The following GPC5 variants were observed in gnomAD, a reference collection of about 807,000 sequenced individuals.
GPC5 encodes glypican-5.
A neutral mutation model predicts 53.9 loss-of-function variants in GPC5; 47 were observed. The observed-to-expected ratio is 0.87, with a 90% CI of 0.69 to 1.11. The LOEUF is 1.11. Among genes scored for constraint, GPC5 ranks in the 50% most tolerant of loss-of-function variants. The probability of loss-of-function intolerance (pLI) is 0.00; values close to 1 mark genes in which losing one functional copy is unlikely to be tolerated. For synonymous variants in GPC5, 286 were observed against 263.3 expected, an observed-to-expected ratio of 1.09 and a Z score of -0.84; for missense variants, 748 against 713.1, an observed-to-expected ratio of 1.05 and a Z score of -0.56.
chr13:92,346,870 T>C (rs2043417327), intron 7 of GPC5, among the ~76,000 whole-genome samples: 1 of 151,842 alleles, frequency 6.6e-6, no homozygotes, highest in Admixed American at 6.6e-5. Context: ...AAAATAGAAA[T>C]CCCAGAGATG....
chr13:92,495,876 C>G (rs753662041), intron 7 of GPC5, among the ~76,000 whole-genome samples: 1 of 152,032 alleles, frequency 6.6e-6, no homozygotes, highest in East Asian at 1.9e-4. Flanking sequence ...TCTAAATATT[C>G]TCGATCCCAG....
At chr13:92,234,219 C>T (rs1439336532) in intron 7 of GPC5, among the ~76,000 whole-genome samples, 2 of 152,128 alleles carry the variant, frequency 1.3e-5, no homozygotes, top group Non-Finnish European at 2.9e-5. Context: ...TTCTAGATCC[C>T]TGAGGAATCA....
chr13:91,947,625 T>A (rs914016062), intron 6 of GPC5, among the ~76,000 whole-genome samples: 1 of 121,222 alleles, frequency 8.2e-6, no homozygotes, highest in African/African-American at 2.6e-5. Flanking sequence ...CCTAATGTGC[T>A]AGTAGAGCAG....
chr13:92,184,282 C>G (rs184330890), intron 7 of GPC5, among the ~76,000 whole-genome samples: 32 of 152,234 alleles, frequency 2.1e-4, no homozygotes, highest in Non-Finnish European at 3.5e-4. Context: ...TCAAACTGCT[C>G]TAGTTGAAGA....
chr13:91,892,244 AT>A (rs1427197283), intron 5 of GPC5, among the ~76,000 whole-genome samples: 1 of 151,884 alleles, frequency 6.6e-6, no homozygotes, highest in Admixed American at 6.6e-5. Context: ...ACCACATAGT[AT>A]TTTTTCTCAT....
intron 7 of GPC5, among the ~76,000 whole-genome samples, chr13:92,442,450 G>A (rs528738788): frequency 1.3e-5 from 2 of 152,206 alleles, no homozygotes; most frequent in South Asian, 4.2e-4. Context: ...GGTATGCAGA[G>A]ATCCTGGGAC....
chr13:92,457,349 T>C (rs747134643), intron 7 of GPC5, among the ~76,000 whole-genome samples: 4 of 152,106 alleles, frequency 2.6e-5, no homozygotes, highest in Non-Finnish European at 5.9e-5. Context: ...TGTGAAGGAC[T>C]ATTCTGTGCA....
At chr13:92,274,947 G>T (rs1245210769) in intron 7 of GPC5, among the ~76,000 whole-genome samples, 1 of 151,668 alleles carries the variant, frequency 6.6e-6, no homozygotes, top group African/African-American at 2.4e-5. Flanking sequence ...GTAGAATAAG[G>T]TACTGAAAAG....
intron 5 of GPC5, among the ~76,000 whole-genome samples, chr13:91,835,197 T>A (rs1000299911): frequency 1.3e-5 from 2 of 152,146 alleles, no homozygotes; most frequent in African/African-American, 4.8e-5. Flanking sequence ...AACCATCTCA[T>A]GCCAGTTGGA....
intron 7 of GPC5, among the ~76,000 whole-genome samples, chr13:92,652,299 A>C (rs1024391358): frequency 2.0e-5 from 3 of 152,172 alleles, no homozygotes; most frequent in African/African-American, 7.2e-5. Context: ...TGTCTTCTCC[A>C]ATGCTTCTTT....
intron 7 of GPC5, among the ~76,000 whole-genome samples, chr13:92,185,373 T>G (rs1413061489): frequency 6.6e-6 from 1 of 152,202 alleles, no homozygotes; most frequent in Non-Finnish European, 1.5e-5. Flanking sequence ...GCTCAAAATA[T>G]TAATATGAAT....
chr13:92,492,902 G>A (rs1234275260), intron 7 of GPC5, among the ~76,000 whole-genome samples: 1 of 152,140 alleles, frequency 6.6e-6, no homozygotes, highest in Admixed American at 6.5e-5. Flanking sequence ...TCAGGAAGAT[G>A]GGGAATAATT....
chr13:91,894,218 A>G (rs935553655), intron 5 of GPC5, among the ~76,000 whole-genome samples: 4 of 152,290 alleles, frequency 2.6e-5, no homozygotes, highest in African/African-American at 7.2e-5. Context: ...ATAATTTGTA[A>G]AACCATCCAT....
chr13:92,131,141 A>G (rs921740341), intron 6 of GPC5, among the ~76,000 whole-genome samples: 3 of 151,952 alleles, frequency 2.0e-5, no homozygotes, highest in African/African-American at 7.2e-5. Context: ...AAACACCACT[A>G]TATACCCACT....
At chr13:92,148,177 T>G (rs1457053485) in intron 7 of GPC5, among the ~76,000 whole-genome samples, 2 of 152,094 alleles carry the variant, frequency 1.3e-5, no homozygotes, top group African/African-American at 4.8e-5. Context: ...TATATAGTTG[T>G]GAGTATTAAT....
chr13:91,768,107 A>G (rs573689901), intron 5 of GPC5, among the ~76,000 whole-genome samples: 3 of 152,328 alleles, frequency 2.0e-5, no homozygotes, highest in African/African-American at 7.2e-5. Context: ...ATATCATAGC[A>G]TATAAATTCA....
chr13:92,054,167 T>C (rs2138842943), intron 6 of GPC5, among the ~76,000 whole-genome samples: 1 of 151,398 alleles, frequency 6.6e-6, no homozygotes, highest in African/African-American at 2.4e-5. Flanking sequence ...TGTGTGTGTG[T>C]GTGTGTGTGT....
intron 7 of GPC5, among the ~76,000 whole-genome samples, chr13:92,264,876 CTCTGTGTGTGTGTGTGTGTGTGTGTG>C (rs1336933286): frequency 1.7e-5 from 2 of 119,272 alleles, no homozygotes; most frequent in Non-Finnish European, 3.3e-5. Context: ...CTCTCTCTCT[CTCTGTGTGTGTGTGTGTGTGTGTGTG>C]TGTGTGTGTG....
At chr13:92,592,542 A>AT (rs1883747894) in intron 7 of GPC5, among the ~76,000 whole-genome samples, 1 of 151,396 alleles carries the variant, frequency 6.6e-6, no homozygotes, top group African/African-American at 2.4e-5. Context: ...TGGAGCTTAC[A>AT]TTCAAGAAAG....
Sources: allele counts gnomAD v4.1 joint callset (sites outside exome capture counted in the v4.1 genomes callset), GRCh38; gene constraint gnomAD v4.1.1; transcripts MANE v1.5; gene names NCBI Gene and HGNC (gene_info 2026-07-23, HGNC 2026-07-21).